The following ADORA2A variants were observed in gnomAD, a reference collection of about 807,000 sequenced individuals.
ADORA2A encodes the protein adenosine A2a receptor.
In ADORA2A, 11 loss-of-function variants were observed where a neutral mutation model predicts 18.4. That is an observed-to-expected ratio of 0.60 (90% CI 0.38 to 0.99). The LOEUF (loss-of-function observed/expected upper bound fraction) is 0.99. ADORA2A is among the 50% of genes least tolerant of loss of function. The pLI is 0.01. For synonymous variants in ADORA2A, 218 were observed against 237.3 expected (o/e 0.92, Z 0.75); for missense variants, 449 against 556.1 (o/e 0.81, Z 1.94).
chr22:24,429,060 C>G (rs978616762), intron 1 of ADORA2A: 4 of 152,334 alleles, frequency 2.6e-5, no homozygotes, highest in African/African-American at 9.6e-5. Context: ...TGCTCTTAGC[C>G]GCACTCAGGA....
intron 2 of ADORA2A, among the ~76,000 whole-genome samples, chr22:24,435,544 C>T (rs2043152991): frequency 6.6e-6 from 1 of 152,140 alleles, no homozygotes. Context: ...AGAATGACTC[C>T]CTATGTAGTA....
chr22:24,440,928 G>A lies in ADORA2A; in HGVS notation c.678G>A (p.Gln226=). ...GGGAGCGGGCACGGTCCACACTGCA[G>A]AAGGAGGTCCATGCTGCCAAGTCAC... ...LPGERARSTL[Q]KEVHAAKSLA... is the part of the protein sequence containing the mutation. The change falls in exon 3 of 3, where the codon CAG becomes CAA. Residue 226 remains glutamine (Q), a synonymous_variant. Transcript: ENST00000337539. The A allele has an allele frequency of 1.2e-6, 2 of 1,614,200 alleles. No individual in the cohort carries two copies. The highest frequency in any genetic ancestry group is 1.7e-6 in the Non-Finnish European group (2 of 1,180,034).
intron 2 of ADORA2A, among the ~76,000 whole-genome samples, chr22:24,440,366 G>T (rs1049549193): frequency 6.6e-6 from 1 of 152,228 alleles, no homozygotes; most frequent in African/African-American, 2.4e-5. Context: ...TTTCTTGGAT[G>T]CCTGCTCTCC....
At chr22:24,436,315 C>A (rs1157923890) in intron 2 of ADORA2A, among the ~76,000 whole-genome samples, 1 of 152,230 alleles carries the variant, frequency 6.6e-6, no homozygotes, top group Non-Finnish European at 1.5e-5. Flanking sequence ...ATCCAGCCTC[C>A]TCTACGTGCC....
At position 24,433,290 on chromosome 22, in the gene ADORA2A, T is replaced by C. The variant is rs2043088376; in HGVS notation, c.-115T>C. 9.8e-7 allele frequency: 1 copy of C among 1,016,428 alleles called. No homozygotes were observed. The highest frequency in any genetic ancestry group is 1.6e-5 in the African/African-American group (1 of 62,286). 63.0% of individuals were successfully genotyped at this position (1,016,428 alleles called of 1,614,324 possible). On this transcript the variant is annotated 5_prime_UTR_variant, in exon 2 of 3. Transcript: ENST00000337539. ...CTCCTGTGAGGAAGGGGCTCAGGGG[T>C]CTGGGCCCCTCCGCCTGGGCCGGGC...
chr22:24,431,197 C>A (rs1210550184), intron 1 of ADORA2A: 1 of 456,764 alleles, frequency 2.2e-6, no homozygotes, highest in Non-Finnish European at 4.4e-6. Flanking sequence ...AAAGCAGGGG[C>A]TTGGGAGGAC....
chr22:24,433,834 T>C, intron 2 of ADORA2A, 98 bp downstream of exon 2: 1 of 1,374,394 alleles, frequency 7.3e-7, no homozygotes, highest in Admixed American at 2.2e-5. Flanking sequence ...GGGCCTGGTC[T>C]GCAGTGTCAG....
At chr22:24,425,404 G>C (rs1453865611), upstream of ADORA2A, among the ~76,000 whole-genome samples, 7 of 134,872 alleles carry the variant, frequency 5.2e-5, no homozygotes, top group Admixed American at 6.2e-4. Flanking sequence ...CTGGTCCACG[G>C]CCACGGTGTC....
chr22:24,428,752 A>G (rs1277149738), intron 1 of ADORA2A, among the ~76,000 whole-genome samples: 6 of 152,162 alleles, frequency 3.9e-5, no homozygotes, highest in Non-Finnish European at 8.8e-5. Context: ...TGTTGTGGAG[A>G]CAGGGAGTGG....
At chr22:24,431,180 T>G in intron 1 of ADORA2A, 1 of 456,764 alleles carries the variant, frequency 2.2e-6, no homozygotes, top group South Asian at 1.5e-5. Flanking sequence ...TGGCAAGTGC[T>G]CCATGGAAAG....
chr22:24,439,072 C>CTTTTTTTTTTTTTTTTT lies in ADORA2A; in HGVS notation c.333-1498_333-1482dup, dbSNP rs3032740. ...GTAGAGCACATCCTTCCCCTTGCAC[C>CTTTTTTTTTTTTTTTTT]TTTTTTTTTTTTTTTTTTTTTTTTT... On this transcript the variant is annotated intron_variant, in intron 2 of 2. Coordinates refer to ENST00000337539, the MANE Select transcript of ADORA2A (RefSeq NM_000675.6). Among the ~76,000 whole-genome samples the CTTTTTTTTTTTTTTTTT allele has an allele frequency of 2.9e-4, 21 of 73,100 alleles. 2 individuals are homozygous for CTTTTTTTTTTTTTTTTT. Among genetic ancestry groups the CTTTTTTTTTTTTTTTTT allele is most frequent in the Non-Finnish European group, 4.8e-4 (18 of 37,282 alleles). 48.0% of individuals were successfully genotyped at this position (73,100 alleles called of 152,430 possible).
At chr22:24,425,599 C>G (rs987342154), upstream of ADORA2A, among the ~76,000 whole-genome samples, 4 of 152,238 alleles carry the variant, frequency 2.6e-5, no homozygotes, top group African/African-American at 9.6e-5. Context: ...CCAGTCACCT[C>G]TGGCCAGAGG....
intron 1 of ADORA2A, chr22:24,431,581 C>T (rs1054672047): frequency 2.5e-5 from 11 of 436,540 alleles, no homozygotes; most frequent in Middle Eastern, 3.5e-4. Context: ...GAGAGAGAGA[C>T]GAGGTGGCTG....
At chr22:24,439,848 C>T (rs2043289305) in intron 2 of ADORA2A, among the ~76,000 whole-genome samples, 1 of 152,088 alleles carries the variant, frequency 6.6e-6, no homozygotes, top group South Asian at 2.1e-4. Context: ...TTAAGATGGC[C>T]ATGTAAATGT....
chr22:24,423,753 G>A (rs2146853102), upstream of ADORA2A: 1 of 152,282 alleles, frequency 6.6e-6, no homozygotes, highest in Non-Finnish European at 1.5e-5. Flanking sequence ...AGGGACACCT[G>A]CGGGATCGTC....
chr22:24,436,252 C>T (rs767946992), intron 2 of ADORA2A, among the ~76,000 whole-genome samples: 2 of 152,134 alleles, frequency 1.3e-5, no homozygotes, highest in Non-Finnish European at 2.9e-5. Context: ...TCCTGGCCGG[C>T]GCTGGAGTCA....
At chr22:24,438,732 C>T (rs1344222106) in intron 2 of ADORA2A, 1 of 152,232 alleles carries the variant, frequency 6.6e-6, no homozygotes, top group African/African-American at 2.4e-5. Context: ...CAAGTCCATT[C>T]CTCTCCTTGG....
At chr22:24,435,573 G>A (rs1170999608) in intron 2 of ADORA2A, among the ~76,000 whole-genome samples, 1 of 152,174 alleles carries the variant, frequency 6.6e-6, no homozygotes, top group East Asian at 1.9e-4. Flanking sequence ...TGTGCTGTGT[G>A]GCTATGGAAA....
Position 24,441,905 on chromosome 22 carries a change from G to C in ADORA2A, c.*416G>C, listed in dbSNP as rs765073843. ...CACCACTCTCCCTAGACTCTCCTAG[G>C]GTTCAGGAGCTGCTGGGCCCAGAGG... On this transcript the variant is annotated 3_prime_UTR_variant, in exon 3 of 3. Transcript: ENST00000337539. 5.9e-6 allele frequency: 1 copy of C among 170,778 alleles called. No individual in the cohort carries two copies. Among genetic ancestry groups the C allele is most frequent in the Admixed American group, 6.3e-5 (1 of 15,852 alleles). 10.6% of individuals were successfully genotyped at this position (170,778 alleles called of 1,614,324 possible). A position where few individuals can be genotyped will look rare whatever the true frequency, so the allele number is the denominator to read the frequency against.
Sources: allele counts gnomAD v4.1 joint callset (sites outside exome capture counted in the v4.1 genomes callset), GRCh38; gene constraint gnomAD v4.1.1; transcripts MANE v1.5; gene names NCBI Gene and HGNC (gene_info 2026-07-23, HGNC 2026-07-21).